Variants in KLF16 observed in about 807,000 individuals in gnomAD.
The protein encoded by KLF16 is Krueppel-like factor 16.
A neutral mutation model predicts 6.1 loss-of-function variants in KLF16; 6 were observed. The observed-to-expected ratio is 0.98, with a 90% CI of 0.54 to 1.93. The LOEUF (loss-of-function observed/expected upper bound fraction) is 1.93. Among genes scored for constraint, KLF16 ranks in the 30% most tolerant of loss-of-function variants. The pLI, the probability that KLF16 is intolerant of heterozygous loss-of-function variation, is 0.01. For missense variants in KLF16, 355 were observed against 363.8 expected, an observed-to-expected ratio of 0.98 and a Z score of 0.20; for synonymous variants, 211 against 176.5, an observed-to-expected ratio of 1.20 and a Z score of -1.55.
At chr19:1,866,600 G>A (rs1395592713), upstream of KLF16, among the ~76,000 whole-genome samples, 1 of 148,894 alleles carries the variant, frequency 6.7e-6, no homozygotes, top group Non-Finnish European at 1.5e-5. Flanking sequence ...GGTGACAAGA[G>A]AGAAACTGTC....
chr19:1,865,279 C>T (rs1460714032), upstream of KLF16, among the ~76,000 whole-genome samples: 1 of 152,238 alleles, frequency 6.6e-6, no homozygotes, highest in East Asian at 1.9e-4. Flanking sequence ...ATTCGGTGGG[C>T]GCTGGGGGTC....
chr19:1,864,113 C>A (rs2012139828), upstream of KLF16, among the ~76,000 whole-genome samples: 3 of 148,498 alleles, frequency 2.0e-5, no homozygotes, highest in South Asian at 6.3e-4. Flanking sequence ...GGCGCGCCCA[C>A]CCCACGCCGG....
chr19:1,870,543 C>T, the KLF16 span, among the ~76,000 whole-genome samples: 1 of 152,040 alleles, frequency 6.6e-6, no homozygotes, highest in African/African-American at 2.4e-5. Flanking sequence ...GTGACGTGTG[C>T]CTGTCGTCCC....
chr19:1,867,959 T>C (rs985376035), upstream of KLF16, among the ~76,000 whole-genome samples: 13 of 143,414 alleles, frequency 9.1e-5, no homozygotes, highest in East Asian at 8.0e-4. Context: ...TGTGTGTGTG[T>C]GTGCGTGCGC....
At chr19:1,873,576 G>T in the KLF16 span, among the ~76,000 whole-genome samples, 2 of 152,234 alleles carry the variant, frequency 1.3e-5, no homozygotes, top group African/African-American at 4.8e-5. Flanking sequence ...GCCCCCAGGC[G>T]CCCTACCCGG....
intron 1 of KLF16, among the ~76,000 whole-genome samples, chr19:1,856,247 G>C (rs2011947419): frequency 6.6e-6 from 1 of 152,142 alleles, no homozygotes; most frequent in African/African-American, 2.4e-5. Context: ...TAAGATCAGG[G>C]GCTGCCCTGG....
At position 1,863,398 on chromosome 19, in the gene KLF16, C is replaced by A; in HGVS notation, c.100G>T (p.Gly34Cys). 1 of 987,722 alleles carries A rather than the reference C, an allele frequency of 1.0e-6. No individual in the cohort carries two copies. Among genetic ancestry groups the A allele is most frequent in the Non-Finnish European group, 1.2e-6 (1 of 833,742 alleles). 61.2% of individuals were successfully genotyped at this position (987,722 alleles called of 1,614,324 possible). The change falls in exon 1 of 2, where the codon GGC becomes TGC. Residue 34 changes from glycine (G) to cysteine (C), a missense_variant. Gly to Cys is a radical substitution (Grantham distance 159, BLOSUM62 -3). Coordinates refer to ENST00000250916, the MANE Select transcript of KLF16 (RefSeq NM_031918.4). ...TCCAGGCCGGCGGCGGGGCCCGCGC[C>A]CTCGGGGCCGGGCCGCCCGCGGTGC... Reference protein sequence around the residue: ...VVHRGRPGPEGAGPAAGLDVR... With the variant: ...VVHRGRPGPECAGPAAGLDVR...
chr19:1,867,453 T>C (rs568124325), upstream of KLF16, among the ~76,000 whole-genome samples: 79 of 152,358 alleles, frequency 5.2e-4, no homozygotes, highest in South Asian at 7.2e-3. Context: ...TGCACGCCTG[T>C]GGTCCCAGCT....
chr19:1,873,358 G>A, the KLF16 span, among the ~76,000 whole-genome samples: 1 of 152,182 alleles, frequency 6.6e-6, no homozygotes, highest in Non-Finnish European at 1.5e-5. Flanking sequence ...CCACTGGAAG[G>A]GCCTAGCCCA....
the KLF16 span, among the ~76,000 whole-genome samples, chr19:1,872,552 T>C: frequency 2.0e-4 from 30 of 152,200 alleles, no homozygotes; most frequent in Non-Finnish European, 4.0e-4. Flanking sequence ...GTCGCGCTCT[T>C]ATCCTCCACG....
At chr19:1,855,966 G>A (rs554517781) in intron 1 of KLF16, among the ~76,000 whole-genome samples, 41 of 152,322 alleles carry the variant, frequency 2.7e-4, no homozygotes, top group African/African-American at 9.4e-4. Flanking sequence ...CAAAAGAGAC[G>A]TCAGAACCAA....
chr19:1,875,269 A>T, the KLF16 span: 1 of 152,218 alleles, frequency 6.6e-6, no homozygotes, highest in Non-Finnish European at 1.5e-5. Flanking sequence ...AAAAACCCTA[A>T]ATTTCTACAG....
chr19:1,862,223 G>A (rs1482711163), intron 1 of KLF16, among the ~76,000 whole-genome samples: 1 of 152,104 alleles, frequency 6.6e-6, no homozygotes, highest in African/African-American at 2.4e-5. Flanking sequence ...AGGAGGGGAC[G>A]GAGTGAAAAA....
upstream of KLF16, among the ~76,000 whole-genome samples, chr19:1,863,981 C>A (rs1201007464): frequency 6.8e-6 from 1 of 147,080 alleles, no homozygotes; most frequent in Non-Finnish European, 1.5e-5. Flanking sequence ...GCACCACCCC[C>A]TCAAGCCGGG....
At chr19:1,868,093 G>A (rs2012216679), upstream of KLF16, among the ~76,000 whole-genome samples, 2 of 151,974 alleles carry the variant, frequency 1.3e-5, no homozygotes, top group Admixed American at 1.3e-4. Flanking sequence ...TTTACTACAT[G>A]CCTCTGAATG....
At chr19:1,873,587 G>A in the KLF16 span, among the ~76,000 whole-genome samples, 1 of 151,872 alleles carries the variant, frequency 6.6e-6, no homozygotes, top group Non-Finnish European at 1.5e-5. Context: ...CCCTACCCGG[G>A]AGAACGCTGT....
At chr19:1,871,670 G>C in the KLF16 span, among the ~76,000 whole-genome samples, 8 of 152,266 alleles carry the variant, frequency 5.3e-5, no homozygotes, top group South Asian at 1.7e-3. Flanking sequence ...GGGGGGCGGG[G>C]GGGCAGCTGC....
chr19:1,870,733 C>T, the KLF16 span, among the ~76,000 whole-genome samples: 10 of 152,218 alleles, frequency 6.6e-5, no homozygotes, highest in East Asian at 3.9e-4. Flanking sequence ...TGGTGGCTCA[C>T]GCCTTTAATC....
the KLF16 span, among the ~76,000 whole-genome samples, chr19:1,871,688 TG>T: frequency 6.6e-6 from 1 of 152,058 alleles, no homozygotes; most frequent in African/African-American, 2.4e-5. Flanking sequence ...TGCAAGCTCC[TG>T]GGGGACAGAG....
Sources: gnomAD v4.1 joint callset for allele counts (sites outside exome capture counted in the v4.1 genomes callset) on GRCh38, gnomAD v4.1.1 for gene constraint, MANE v1.5 for transcripts, NCBI Gene and HGNC (gene_info 2026-07-23, HGNC 2026-07-21) for gene names.